Variants in PZP observed in about 807,000 individuals in gnomAD.
The protein encoded by PZP is PZP alpha-2-macroglobulin like, also known as pregnancy zone protein.
Under a neutral mutation model 179.8 loss-of-function variants are expected in PZP, and 150 were observed. The observed-to-expected ratio is 0.83, with a 90% CI of 0.73 to 0.96. The LOEUF is 0.96. Ranked by LOEUF, PZP falls within the 40% of genes least tolerant of loss-of-function variation. PZP has a pLI of 0.00. For missense variants in PZP, 1,689 were observed against 1,764.0 expected (o/e 0.96, Z 0.76); for synonymous variants, 624 against 652.3 (o/e 0.96, Z 0.66).
At chr12:9,160,062 A>T in intron 24 of PZP, 37 bp from the exon 25 acceptor site, 1 of 1,569,288 alleles carries the variant, frequency 6.4e-7, no homozygotes, top group Non-Finnish European at 8.8e-7. Flanking sequence ...ATGAAGCATT[A>T]AAGAAAGGCA....
intron 4 of PZP, 48 bp from the exon 5 acceptor site, chr12:9,201,395 G>A: frequency 6.8e-7 from 1 of 1,468,050 alleles, no homozygotes; most frequent in Non-Finnish European, 9.4e-7. Flanking sequence ...TCCAGCAAAG[G>A]CTACAATTTC....
At chr12:9,195,514 A>G (rs1211908147) in intron 10 of PZP, among the ~76,000 whole-genome samples, 2 of 150,376 alleles carry the variant, frequency 1.3e-5, no homozygotes, top group Admixed American at 6.6e-5. Context: ...TGCCATTATA[A>G]CTCACAGCAG....
chr12:9,181,871 C>A, intron 14 of PZP, 104 bp downstream of exon 14: 1 of 1,280,668 alleles, frequency 7.8e-7, no homozygotes, highest in Non-Finnish European at 1.1e-6. Flanking sequence ...AACTGTTGGG[C>A]AACTCATTTT....
intron 13 of PZP, among the ~76,000 whole-genome samples, chr12:9,183,073 C>G (rs1942875181): frequency 6.6e-6 from 1 of 152,148 alleles, no homozygotes; most frequent in African/African-American, 2.4e-5. Context: ...AGGACAAGGA[C>G]AATTAGAATT....
chr12:9,180,918 A>G, intron 15 of PZP, 65 bp downstream of exon 15: 1 of 1,538,426 alleles, frequency 6.5e-7, no homozygotes, highest in East Asian at 2.3e-5. Context: ...AAGGGCTAAT[A>G]GAGGCTTCTT....
chr12:9,160,590 GT>G, intron 23 of PZP, 100 bp from the exon 24 acceptor site: 1 of 1,126,686 alleles, frequency 8.9e-7, no homozygotes, highest in Non-Finnish European at 1.3e-6. Context: ...TATCATTTAG[GT>G]AAGAGAAAAG....
intron 34 of PZP, 92 bp downstream of exon 34, chr12:9,150,552 G>T: frequency 7.2e-6 from 6 of 831,830 alleles, no homozygotes; most frequent in Non-Finnish European, 9.7e-6. Context: ...AAAGATTAAT[G>T]TTGACTAAGT....
intron 28 of PZP, 111 bp from the exon 29 acceptor site, chr12:9,154,950 G>A (rs1940638108): frequency 1.8e-6 from 2 of 1,109,458 alleles, no homozygotes; most frequent in South Asian, 3.2e-5. Flanking sequence ...TACAGGAGAA[G>A]CAAGGTCTTC....
rs1401484981 is a variant in PZP, at chr12:9,151,687, A to T, written c.4213-15T>A. ...GATCTTTCAAGCTGGAGAGAATTAG[A>T]AAACTTCAGTTAAAGTTAGAGAACA... On this transcript the variant is annotated splice_polypyrimidine_tract_variant and intron_variant, in intron 32 of 35. Transcript: ENST00000261336. 15 of 1,609,556 alleles carry T rather than the reference A, an allele frequency of 9.3e-6. No homozygotes were observed. Among genetic ancestry groups the T allele is most frequent in the Non-Finnish European group, 8.5e-6 (10 of 1,176,316 alleles).
Position 9,153,007 on chromosome 12 carries a change from C to G in PZP, c.3994-56G>C, listed in dbSNP as rs189923543. On this transcript the variant is annotated intron_variant, in intron 30 of 35. Coordinates refer to ENST00000261336, the MANE Select transcript of PZP (RefSeq NM_002864.3). ...TCTCTTTTTCTGGACCCCTCACTTC[C>G]TCATTACTTAACGTCTCCAGAGGTG... The G allele has an allele frequency of 6.0e-4, 965 of 1,612,040 alleles. 1 individual carries two copies. Among genetic ancestry groups the G allele is most frequent in the Non-Finnish European group, 7.3e-4 (865 of 1,179,064 alleles).
At chr12:9,184,766 C>A (rs935048603) in intron 13 of PZP, among the ~76,000 whole-genome samples, 1 of 152,212 alleles carries the variant, frequency 6.6e-6, no homozygotes, top group African/African-American at 2.4e-5. Flanking sequence ...GATACCAGTT[C>A]CCCAGAGTTA....
intron 28 of PZP, chr12:9,155,927 C>G (rs1009429569): frequency 6.2e-6 from 1 of 160,728 alleles, no homozygotes; most frequent in East Asian, 1.9e-4. Flanking sequence ...TGGAGTCACA[C>G]CATCCTCATG....
intron 25 of PZP, 61 bp from the exon 26 acceptor site, chr12:9,158,637 T>C: frequency 6.5e-7 from 1 of 1,545,608 alleles, no homozygotes; most frequent in South Asian, 1.2e-5. Flanking sequence ...CTGCTCTGTT[T>C]TGTACACACA....
chr12:9,162,491 TG>T, intron 22 of PZP, 105 bp downstream of exon 22: 1 of 807,022 alleles, frequency 1.2e-6, no homozygotes. Flanking sequence ...CTGACTTTCA[TG>T]GAACACTCTG....
chr12:9,205,100 A>G (rs1471731494), intron 1 of PZP, among the ~76,000 whole-genome samples: 1 of 152,196 alleles, frequency 6.6e-6, no homozygotes, highest in Non-Finnish European at 1.5e-5. Context: ...TTCAAAAAAA[A>G]ACAAAACAAA....
chr12:9,186,289 G>A (rs756626202), intron 13 of PZP, among the ~76,000 whole-genome samples: 315 of 152,232 alleles, frequency 2.1e-3, no homozygotes, highest in South Asian at 6.0e-3. Context: ...AGAATATTAC[G>A]AGCCACTACA....
chr12:9,175,185 A>G lies in PZP; in HGVS notation c.1840-5594T>C, dbSNP rs751394507. 8.4e-4 allele frequency among the ~76,000 whole-genome samples: 128 copies of G among 152,350 alleles called. 1 individual carries two copies. Among genetic ancestry groups the G allele is most frequent in the African/African-American group, 3.0e-3 (126 of 41,584 alleles). On this transcript the variant is annotated intron_variant, in intron 15 of 35. Coordinates refer to ENST00000261336, the MANE Select transcript of PZP (RefSeq NM_002864.3). ...ACCTACAACCATCTGATCTTTGACA[A>G]ACTTGACAAAAACAAGCAATGGAGG...
rs139104362 is a variant in PZP, at chr12:9,202,424, G to A, written c.428-53C>T. 274 of 1,613,484 alleles carry A rather than the reference G, an allele frequency of 1.7e-4. 1 individual carries two copies. In the African/African-American group the frequency reaches 3.3e-3, roughly 20 times the overall value. On this transcript the variant is annotated intron_variant, in intron 3 of 35. Transcript: ENST00000261336. ...CAGACATGATAAAGCAGGTAATTTGGGTAATAAGACAGGAGGCTACGGGGC... is the reference window on the plus strand; with the variant it reads ...CAGACATGATAAAGCAGGTAATTTGAGTAATAAGACAGGAGGCTACGGGGC...
chr12:9,197,038 C>T lies in PZP; in HGVS notation c.841G>A (p.Glu281Lys). 1 of 1,613,340 alleles carries T rather than the reference C, an allele frequency of 6.2e-7. No homozygotes were observed. The highest frequency in any genetic ancestry group is 8.5e-7 in the Non-Finnish European group (1 of 1,179,484). The change falls in exon 8 of 36, where the codon GAG becomes AAG. Residue 281 changes from glutamate (E) to lysine (K), a missense_variant. Coordinates refer to ENST00000261336, the MANE Select transcript of PZP (RefSeq NM_002864.3). The stretch of plus-strand genomic sequence containing the variant: ...TGTTGACTGAATTCCTCACAGACCT[C>T]CTGCTTGTCACAATTAAGAACACGA... ...LSRVLNCDKQ[E>K]VCEEFSQQLN...
Sources: allele counts gnomAD v4.1 joint callset (sites outside exome capture counted in the v4.1 genomes callset), GRCh38; gene constraint gnomAD v4.1.1; transcripts MANE v1.5; gene names NCBI Gene and HGNC (gene_info 2026-07-23, HGNC 2026-07-21).